DYNC2I2: variants seen among roughly 807,000 people sequenced by gnomAD.
The protein encoded by DYNC2I2 is cytoplasmic dynein 2 intermediate chain 2.
Under a neutral mutation model 52.0 loss-of-function variants are expected in DYNC2I2, and 39 were observed. The ratio of observed to expected loss-of-function variants is 0.75; its 90% CI spans 0.58 to 0.98. The LOEUF (loss-of-function observed/expected upper bound fraction) is 0.98, where lower values mean the gene tolerates loss of function less well. Ranked by LOEUF, DYNC2I2 falls within the 50% of genes least tolerant of loss-of-function variation. The probability of loss-of-function intolerance (pLI) is 0.00; values close to 1 mark genes in which losing one functional copy is unlikely to be tolerated. For missense variants in DYNC2I2, 743 were observed against 728.4 expected (o/e 1.02, Z -0.23); for synonymous variants, 359 against 321.1 (o/e 1.12, Z -1.26).
the DYNC2I2 span, chr9:128,663,409 G>A: frequency 6.6e-6 from 1 of 152,062 alleles, no homozygotes; most frequent in Non-Finnish European, 1.5e-5. Flanking sequence ...GACTAGGGAA[G>A]GAGAGGAAGG....
intron 4 of DYNC2I2, 86 bp downstream of exon 4, chr9:128,636,195 G>C (rs1860408320): frequency 6.5e-7 from 1 of 1,539,086 alleles, no homozygotes. Context: ...CGGGCCAAAG[G>C]GCCCATGGAA....
intron 1 of DYNC2I2, 51 bp downstream of exon 1, chr9:128,656,490 G>A (rs1447955297): frequency 1.6e-6 from 2 of 1,222,504 alleles, no homozygotes; most frequent in Non-Finnish European, 2.0e-6. Context: ...CAGCCGCGCT[G>A]CGACCCCGCC....
chr9:128,684,133 G>A, the DYNC2I2 span: 2 of 722,970 alleles, frequency 2.8e-6, no homozygotes, highest in Non-Finnish European at 4.5e-6. Context: ...TTAAACCTGG[G>A]ATGGTGGATT....
At chr9:128,662,027 C>T in the DYNC2I2 span, among the ~76,000 whole-genome samples, 5 of 147,536 alleles carry the variant, frequency 3.4e-5, no homozygotes, top group East Asian at 4.0e-4. Context: ...GGCGACAGAG[C>T]GAGACTCCAT....
At chr9:128,658,497 T>G (rs1860879370), upstream of DYNC2I2, among the ~76,000 whole-genome samples, 1 of 151,756 alleles carries the variant, frequency 6.6e-6, no homozygotes, top group Admixed American at 6.6e-5. Context: ...AGTCTCGCTT[T>G]GTCGTCCAGG....
chr9:128,651,387 C>T lies in DYNC2I2; in HGVS notation c.186+5154G>A, dbSNP rs1860710917. On this transcript the variant is annotated intron_variant, in intron 1 of 8. Coordinates refer to ENST00000372715, the MANE Select transcript of DYNC2I2 (RefSeq NM_052844.4). The stretch of plus-strand genomic sequence containing the variant: ...TCTCTACTAATAATACAAACATTAA[C>T]CGGCCGTGGTGGCGCACGGCTGTAA... 3.7e-5 allele frequency: 2 copies of T among 53,694 alleles called. 1 individual carries two copies. The highest frequency in any genetic ancestry group is 1.6e-4 in the Non-Finnish European group (2 of 12,712). 3.3% of individuals were successfully genotyped at this position (53,694 alleles called of 1,614,324 possible).
At chr9:128,635,327 CT>C in intron 5 of DYNC2I2, 68 bp from the exon 6 acceptor site, 1 of 1,520,200 alleles carries the variant, frequency 6.6e-7, no homozygotes. Flanking sequence ...CGCTCCACCC[CT>C]ACCCTCCCTC....
At chr9:128,637,137 T>C (rs1860430784) in intron 2 of DYNC2I2, 110 bp from the exon 3 acceptor site, 1 of 690,490 alleles carries the variant, frequency 1.4e-6, no homozygotes, top group East Asian at 2.7e-5. Context: ...GGCCCTCAAG[T>C]CCATCAGCCA....
chr9:128,659,071 C>A (rs763802334), upstream of DYNC2I2, among the ~76,000 whole-genome samples: 2 of 151,840 alleles, frequency 1.3e-5, no homozygotes, highest in Admixed American at 6.6e-5. Context: ...CCCTTCAGGG[C>A]CCAAGATTCC....
At chr9:128,678,072 CTTTTT>C in the DYNC2I2 span, among the ~76,000 whole-genome samples, 2 of 141,662 alleles carry the variant, frequency 1.4e-5, no homozygotes, top group Admixed American at 7.1e-5. Context: ...CTTTTCTTTT[CTTTTT>C]TTTTTTTTTG....
upstream of DYNC2I2, among the ~76,000 whole-genome samples, chr9:128,659,510 A>AAC (rs1491143329): frequency 1.9e-4 from 28 of 150,884 alleles, no homozygotes; most frequent in African/African-American, 3.7e-4. Context: ...AAAAAAAAAA[A>AAC]ACACACACAC....
Position 128,633,791 on chromosome 9 carries a change from G to T in DYNC2I2, c.1564C>A (p.Arg522=), listed in dbSNP as rs368864898. ...AGGCAGTCCAGGTCCTCAGCTTCCC[G>T]GGGCCCTTGTTCCGTGAACTCTGTG... ...LSTEFTEQGP[R]EAEDLDCLAA... Residue 522 remains arginine, a synonymous_variant, in exon 9 of 9, where the codon CGG becomes AGG. Transcript: ENST00000372715. The T allele has an allele frequency of 3.1e-6, 5 of 1,613,538 alleles. No individual in the cohort carries two copies. The East Asian group carries it at 1.1e-4, about 36-fold the overall frequency.
At chr9:128,683,425 C>A in the DYNC2I2 span, 1 of 220,752 alleles carries the variant, frequency 4.5e-6, no homozygotes, top group African/African-American at 2.3e-5. Context: ...GTGTGGTTTA[C>A]TGAGGAATGT....
Position 128,656,818 on chromosome 9 carries a change from C to G in DYNC2I2, c.-92G>C, listed in dbSNP as rs568974447. The G allele has an allele frequency of 2.4e-6, 3 of 1,253,474 alleles. No homozygotes were observed. Among genetic ancestry groups the G allele is most frequent in the African/African-American group, 3.2e-5 (2 of 63,422 alleles). 77.6% of individuals were successfully genotyped at this position (1,253,474 alleles called of 1,614,324 possible). ...CGGAAAACGGGGAATGTGAGGCTGACGGCGCCATGTTTGAATTGGTCGCAG... is the reference window on the plus strand; with the variant it reads ...CGGAAAACGGGGAATGTGAGGCTGAGGGCGCCATGTTTGAATTGGTCGCAG... On this transcript the variant is annotated 5_prime_UTR_variant, in exon 1 of 9. Coordinates refer to ENST00000372715, the MANE Select transcript of DYNC2I2 (RefSeq NM_052844.4).
At chr9:128,672,205 C>T in the DYNC2I2 span, among the ~76,000 whole-genome samples, 1 of 151,674 alleles carries the variant, frequency 6.6e-6, no homozygotes, top group Non-Finnish European at 1.5e-5. Flanking sequence ...CTCCTGAACT[C>T]GTGATCCGCC....
chr9:128,656,728 G>A lies in DYNC2I2; in HGVS notation c.-2C>T, dbSNP rs753024388. 19 of 1,406,156 alleles carry A rather than the reference G, an allele frequency of 1.4e-5. 1 individual carries two copies. Among genetic ancestry groups the A allele is most frequent in the Middle Eastern group, 2.4e-4 (1 of 4,114 alleles). The allele number at this position is 1,406,156 out of a possible 1,614,324, so 87.1% of individuals were successfully genotyped here. A position where few individuals can be genotyped will look rare whatever the true frequency, so the allele number is the denominator to read the frequency against. On this transcript the variant is annotated 5_prime_UTR_variant, in exon 1 of 9. Transcript: ENST00000372715. ...CCCCGGCTGCGCGCGGGTTGCCATG[G>A]AGACGGTTCCGCCCTCTCGTGCGGA...
At chr9:128,653,872 G>A (rs960415550) in intron 1 of DYNC2I2, among the ~76,000 whole-genome samples, 15 of 152,096 alleles carry the variant, frequency 9.9e-5, no homozygotes, top group Admixed American at 3.3e-4. Context: ...TTGACCAGGC[G>A]TGGTGGCGGG....
rs1278854234 is a variant in DYNC2I2, at chr9:128,640,904, A to C, written c.222T>G (p.Ser74Arg). 3.1e-6 allele frequency: 5 copies of C among 1,606,024 alleles called. No homozygotes were observed. In the Middle Eastern group the frequency reaches 5.0e-4, roughly 160 times the overall value. Reference sequence around the variant, plus strand: ...CATGATTCCTGGCCTGGGCGGATGCACTGGCAGTGGCAATGCTGGCCGTCT... The same window carrying C: ...CATGATTCCTGGCCTGGGCGGATGCCCTGGCAGTGGCAATGCTGGCCGTCT... ...SCQTASIATA[S>R]ASAQARNHVD... Residue 74 changes from serine (S) to arginine (R), a missense_variant, in exon 2 of 9, where the codon AGT (serine) becomes AGG (arginine). Ser to Arg is a moderately radical substitution (Grantham distance 110). Transcript: ENST00000372715.
chr9:128,634,991 G>C (rs1860356382), intron 6 of DYNC2I2, 70 bp from the exon 7 acceptor site: 12 of 1,590,334 alleles, frequency 7.5e-6, no homozygotes, highest in Non-Finnish European at 8.6e-6. Context: ...CAGAGCCAGA[G>C]AACAGGAGGG....
Sources: allele counts gnomAD v4.1 joint callset (sites outside exome capture counted in the v4.1 genomes callset), GRCh38; gene constraint gnomAD v4.1.1; transcripts MANE v1.5; gene names NCBI Gene and HGNC (gene_info 2026-07-23, HGNC 2026-07-21).